Variants in ZNF600 observed in about 807,000 individuals in gnomAD.
The protein encoded by ZNF600 is zinc finger protein 600, also known as zinc finger protein KR-ZNF1.
In ZNF600, 4 loss-of-function variants were observed where a neutral mutation model predicts 7.3. That is an observed-to-expected ratio of 0.55 (90% CI 0.27 to 1.25). The LOEUF (loss-of-function observed/expected upper bound fraction) is 1.25, where lower values mean the gene tolerates loss of function less well. Among genes scored for constraint, ZNF600 ranks in the 50% most tolerant of loss-of-function variants. ZNF600 has a pLI of 0.12. For missense variants in ZNF600, 911 were observed against 922.1 expected (o/e 0.99, Z 0.16); for synonymous variants, 290 against 308.9 (o/e 0.94, Z 0.64).
chr19:52,808,486 G>C, the ZNF600 span, among the ~76,000 whole-genome samples: 1 of 152,136 alleles, frequency 6.6e-6, no homozygotes, highest in Non-Finnish European at 1.5e-5. Context: ...CACAGTAAGA[G>C]ACAGGCTGGG....
the ZNF600 span, chr19:52,800,822 G>A: frequency 1.2e-6 from 2 of 1,613,940 alleles, no homozygotes; most frequent in South Asian, 1.1e-5. Flanking sequence ...GTTTTGCTAG[G>A]TATGAATTAC....
the ZNF600 span, among the ~76,000 whole-genome samples, chr19:52,821,833 A>C: frequency 1.3e-5 from 2 of 151,930 alleles, no homozygotes; most frequent in Non-Finnish European, 2.9e-5. Context: ...AACCCGGGAG[A>C]TACAGCTTGC....
the ZNF600 span, chr19:52,801,612 G>C: frequency 3.1e-6 from 5 of 1,613,986 alleles, no homozygotes; most frequent in East Asian, 8.9e-5. Flanking sequence ...GTGATGACTT[G>C]CTTGTCTTTG....
the ZNF600 span, chr19:52,799,212 T>C: frequency 2.6e-6 from 1 of 390,512 alleles, no homozygotes. Flanking sequence ...ACGAATTGCC[T>C]TTTGAATTAC....
intron 3 of ZNF600, among the ~76,000 whole-genome samples, chr19:52,773,389 A>T (rs1445227399): frequency 6.6e-6 from 1 of 151,698 alleles, no homozygotes; most frequent in East Asian, 1.9e-4. Flanking sequence ...GCAATTTTAC[A>T]TCTCTTAAAT....
At chr19:52,801,749 G>A in the ZNF600 span, 17 of 1,511,244 alleles carry the variant, frequency 1.1e-5, no homozygotes, top group Admixed American at 1.6e-4. Context: ...TACAGATGGT[G>A]TATAATACTG....
chr19:52,812,021 G>A, the ZNF600 span, among the ~76,000 whole-genome samples: 1 of 42,784 alleles, frequency 2.3e-5, no homozygotes, highest in Non-Finnish European at 5.4e-5. Context: ...AGGTGGGGGG[G>A]ACAGCCCCCC....
At chr19:52,812,726 A>C in the ZNF600 span, among the ~76,000 whole-genome samples, 3 of 132,420 alleles carry the variant, frequency 2.3e-5, no homozygotes, top group African/African-American at 6.0e-5. Context: ...GACCCTGCCA[A>C]ATCCCCCTCT....
intron 1 of ZNF600, among the ~76,000 whole-genome samples, chr19:52,781,993 G>A (rs75284221): frequency 0.036 from 5,470 of 151,962 alleles, 197 homozygotes; most frequent in African/African-American, 0.091. Flanking sequence ...CCCGGGAGGC[G>A]GAGTTTGCAG....
chr19:52,833,000 G>A, the ZNF600 span, among the ~76,000 whole-genome samples: 4 of 152,038 alleles, frequency 2.6e-5, no homozygotes, highest in African/African-American at 9.7e-5. Flanking sequence ...TCAAACTCCT[G>A]ACCTCAAGTG....
exon 4 of ZNF600, chr19:52,766,851 T>G (rs756279765): frequency 6.2e-7 from 1 of 1,614,204 alleles, no homozygotes; most frequent in Non-Finnish European, 8.5e-7. Context: ...TTCACATTTG[T>G]AAGGTTTCTC....
At chr19:52,801,638 G>T in the ZNF600 span, 1 of 1,613,742 alleles carries the variant, frequency 6.2e-7, no homozygotes, top group Non-Finnish European at 8.5e-7. Flanking sequence ...TCCCTGTGTG[G>T]AACGCTTCTG....
the ZNF600 span, among the ~76,000 whole-genome samples, chr19:52,792,012 G>C: frequency 4.4e-4 from 67 of 152,354 alleles, no homozygotes; most frequent in African/African-American, 1.6e-3. Context: ...CTGAGGGTGG[G>C]TTCCATCCCG....
the ZNF600 span, among the ~76,000 whole-genome samples, chr19:52,833,591 T>G: frequency 6.6e-6 from 1 of 152,168 alleles, no homozygotes; most frequent in Non-Finnish European, 1.5e-5. Context: ...TCTTCTGAGC[T>G]GCTTCCTCAT....
chr19:52,804,857 C>A, the ZNF600 span, among the ~76,000 whole-genome samples: 8 of 152,210 alleles, frequency 5.3e-5, no homozygotes, highest in African/African-American at 1.7e-4. Flanking sequence ...GGAGAAAGAG[C>A]ATCTCATCAT....
chr19:52,800,803 T>G, the ZNF600 span: 14 of 1,613,934 alleles, frequency 8.7e-6, no homozygotes, highest in East Asian at 2.2e-5. Flanking sequence ...CCAGTGTGAA[T>G]TATAGTATGT....
At chr19:52,767,609 T>C in exon 4 of ZNF600, 1 of 1,614,068 alleles carries the variant, frequency 6.2e-7, no homozygotes, top group Non-Finnish European at 8.5e-7. Context: ...TTTCATCTTC[T>C]TGACACTGAA....
intron 1 of ZNF600, among the ~76,000 whole-genome samples, 176 bp downstream of exon 1, chr19:52,786,419 C>T (rs913997854): frequency 5.3e-5 from 8 of 152,198 alleles, no homozygotes; most frequent in Admixed American, 5.2e-4. Context: ...GGGCTGGAAT[C>T]CACCTCGCGG....
intron 3 of ZNF600, among the ~76,000 whole-genome samples, chr19:52,773,321 C>T (rs1231571508): frequency 6.6e-6 from 1 of 152,092 alleles, no homozygotes. Flanking sequence ...ACAATATGGG[C>T]AAGGGACAAG....
Sources: gnomAD v4.1 joint callset for allele counts (sites outside exome capture counted in the v4.1 genomes callset) on GRCh38, gnomAD v4.1.1 for gene constraint, MANE v1.5 for transcripts, NCBI Gene and HGNC (gene_info 2026-07-23, HGNC 2026-07-21) for gene names.